DNAH17: variants seen among roughly 807,000 people sequenced by gnomAD.
The protein encoded by DNAH17 is axonemal beta dynein heavy chain 17.
In DNAH17, 376 loss-of-function variants were observed where a neutral mutation model predicts 485.6. The ratio of observed to expected loss-of-function variants is 0.77; its 90% CI spans 0.71 to 0.84. DNAH17 has a LOEUF of 0.84. Ranked by LOEUF, DNAH17 falls within the 40% of genes least tolerant of loss-of-function variation. The pLI is 0.00. For missense variants in DNAH17, 6,370 were observed against 5,839.3 expected, an observed-to-expected ratio of 1.09 and a Z score of -2.96; for synonymous variants, 3,031 against 2,405.9, an observed-to-expected ratio of 1.26 and a Z score of -7.60.
intron 31 of DNAH17, 104 bp from the exon 32 acceptor site, chr17:78,503,115 TC>T: frequency 7.7e-7 from 1 of 1,294,680 alleles, no homozygotes; most frequent in Non-Finnish European, 1.0e-6. Flanking sequence ...CTCATCATCC[TC>T]ATCCCAGGGG....
Position 78,532,467 on chromosome 17 carries a change from G to A in DNAH17, c.3114+15C>T, listed in dbSNP as rs199834384. ...TCTGGAGACAAGGAGGCTGGTGGGT[G>A]AGGTCTGCACGCACCTGCTCCTGGA... is the stretch of plus-strand genomic sequence containing the variant. On this transcript the variant is annotated intron_variant, in intron 20 of 80. Coordinates refer to ENST00000389840, the MANE Select transcript of DNAH17 (RefSeq NM_173628.4). The A allele has an allele frequency of 1.8e-3, 2,868 of 1,594,638 alleles. 4 individuals are homozygous for A. The highest frequency in any genetic ancestry group is 4.9e-3 in the Middle Eastern group (23 of 4,704).
chr17:78,481,500 G>C (rs1381056364), intron 48 of DNAH17, among the ~76,000 whole-genome samples: 1 of 152,138 alleles, frequency 6.6e-6, no homozygotes, highest in Non-Finnish European at 1.5e-5. Flanking sequence ...AGCAGGCTGG[G>C]GTTTATGTTC....
In DNAH17 at chr17:78,506,820, G is replaced by A; in HGVS notation, c.4703C>T (p.Ala1568Val). 6 of 1,613,990 alleles carry A rather than the reference G, an allele frequency of 3.7e-6. No individual in the cohort carries two copies. Among genetic ancestry groups the A allele is most frequent in the Non-Finnish European group, 5.1e-6 (6 of 1,179,884 alleles). The change falls in exon 30 of 81, where the codon GCA (alanine) becomes GTA (valine). Residue 1568 changes from alanine to valine, a missense_variant. Physicochemically the swap from Ala to Val is moderately conservative, Grantham distance 64. Coordinates refer to ENST00000389840, the MANE Select transcript of DNAH17 (RefSeq NM_173628.4). ...KSLAICEKAL[A>V]EYLETKRLAF... ...CAGTCTTTTCGTCTCTAAATACTCT[G>A]CCAAAGCCTTTTCACAGATGGCCAA...
chr17:78,442,549 ACT>A lies in DNAH17; in HGVS notation c.11529-1352_11529-1351del, dbSNP rs571762578. ...GAAGTCCTGCCCCTAGGCAGGAATG[ACT>A]CTAGATCACCTTTGCTAATTACTTG... On this transcript the variant is annotated intron_variant, in intron 71 of 80. Transcript: ENST00000389840. 8.1e-4 allele frequency among the ~76,000 whole-genome samples: 123 copies of A among 152,100 alleles called. No homozygotes were observed. The Middle Eastern group carries it at 0.02, about 25-fold the overall frequency.
intron 57 of DNAH17, among the ~76,000 whole-genome samples, chr17:78,462,287 A>G (rs1201458547): frequency 6.6e-6 from 1 of 150,762 alleles, no homozygotes; most frequent in Non-Finnish European, 1.5e-5. Context: ...GGGGTGCGAA[A>G]GCTCCCCTGG....
chr17:78,559,442 C>T (rs899466560), intron 13 of DNAH17, among the ~76,000 whole-genome samples: 1 of 152,220 alleles, frequency 6.6e-6, no homozygotes, highest in East Asian at 1.9e-4. Context: ...CTCTTCCAAT[C>T]ACGCTCCATT....
intron 2 of DNAH17, among the ~76,000 whole-genome samples, chr17:78,573,964 G>A (rs1486719009): frequency 6.6e-6 from 1 of 152,140 alleles, no homozygotes; most frequent in Middle Eastern, 3.2e-3. Context: ...CTGCCAAGGG[G>A]GACAGCAGAG....
intron 20 of DNAH17, among the ~76,000 whole-genome samples, chr17:78,530,738 C>T (rs1365224321): frequency 6.6e-6 from 1 of 152,204 alleles, no homozygotes; most frequent in Non-Finnish European, 1.5e-5. Flanking sequence ...GCCAGTCCAT[C>T]AGAAAGGGGC....
At chr17:78,485,441 G>T in intron 47 of DNAH17, 109 bp downstream of exon 47, 4 of 1,062,998 alleles carry the variant, frequency 3.8e-6, no homozygotes, top group Non-Finnish European at 5.4e-6. Context: ...GAAGTGAGGA[G>T]GTGCAAAGTG....
chr17:78,555,707 T>G (rs190179731), intron 14 of DNAH17, among the ~76,000 whole-genome samples: 5 of 152,182 alleles, frequency 3.3e-5, no homozygotes, highest in Admixed American at 3.3e-4. Context: ...AGATTAAACA[T>G]GGTTTCTGAG....
intron 71 of DNAH17, 128 bp from the exon 72 acceptor site, chr17:78,441,327 G>A (rs2087068069): frequency 2.9e-6 from 3 of 1,027,876 alleles, no homozygotes; most frequent in African/African-American, 1.6e-5. Context: ...GACAAGGCCT[G>A]TGGCAGGAGA....
intron 54 of DNAH17, among the ~76,000 whole-genome samples, chr17:78,469,802 G>A (rs1051963319): frequency 7.9e-5 from 12 of 152,196 alleles, no homozygotes; most frequent in African/African-American, 2.9e-4. Flanking sequence ...ACATGACGCT[G>A]AGTAAAATAA....
chr17:78,498,302 G>A (rs77002531), intron 37 of DNAH17, among the ~76,000 whole-genome samples: 1,723 of 152,256 alleles, frequency 0.011, 31 homozygotes, highest in African/African-American at 0.039. Flanking sequence ...CCTTGACACC[G>A]CCAACGCCCT....
At chr17:78,507,165 T>A (rs1464690295) in intron 29 of DNAH17, 113 bp downstream of exon 29, 2 of 1,227,974 alleles carry the variant, frequency 1.6e-6, no homozygotes, top group Non-Finnish European at 1.1e-6. Context: ...CCAGGACCCA[T>A]GGTTTTGCCC....
At chr17:78,464,975 C>A (rs1219666096) in intron 56 of DNAH17, among the ~76,000 whole-genome samples, 1 of 152,280 alleles carries the variant, frequency 6.6e-6, no homozygotes, top group African/African-American at 2.4e-5. Context: ...TCCCCACGGT[C>A]TCCCTCTCAT....
chr17:78,449,351 C>A (rs954789913), intron 69 of DNAH17, 63 bp downstream of exon 69: 1 of 1,494,462 alleles, frequency 6.7e-7, no homozygotes, highest in East Asian at 2.5e-5. Flanking sequence ...CCACAAAGCT[C>A]CCAGGGGTCA....
At chr17:78,573,435 C>T (rs1279750155) in intron 2 of DNAH17, among the ~76,000 whole-genome samples, 1 of 151,934 alleles carries the variant, frequency 6.6e-6, no homozygotes, top group Non-Finnish European at 1.5e-5. Flanking sequence ...CTCGTCTCTA[C>T]TGAAAATATA....
In DNAH17 at chr17:78,547,909, T is replaced by C. The variant is rs567364527; in HGVS notation, c.2391+3626A>G. Among the ~76,000 whole-genome samples, 32 of 152,232 alleles carry C rather than the reference T, an allele frequency of 2.1e-4. No individual in the cohort carries two copies. The South Asian group carries it at 6.6e-3, about 32-fold the overall frequency. On this transcript the variant is annotated intron_variant, in intron 16 of 80. Transcript: ENST00000389840. Reference sequence around the variant, plus strand: ...CTGGGATTACAGGTGTGAGCCACCATGCCCAGCCTATTACTTCTTTAGTAA... The same window carrying C: ...CTGGGATTACAGGTGTGAGCCACCACGCCCAGCCTATTACTTCTTTAGTAA...
At chr17:78,560,694 C>G (rs867582549) in intron 13 of DNAH17, 46 bp downstream of exon 13, 2 of 1,500,244 alleles carry the variant, frequency 1.3e-6, no homozygotes, top group East Asian at 2.5e-5. Flanking sequence ...GGCCCTCCCC[C>G]CGCTCCCAAG....
Sources: allele counts gnomAD v4.1 joint callset (sites outside exome capture counted in the v4.1 genomes callset), GRCh38; gene constraint gnomAD v4.1.1; transcripts MANE v1.5; gene names NCBI Gene and HGNC (gene_info 2026-07-23, HGNC 2026-07-21).